KIRREL3: variants seen among roughly 807,000 people sequenced by gnomAD.
KIRREL3 encodes the protein kin of IRRE-like protein 3.
KIRREL3 carries 36 observed loss-of-function variants against 89.7 expected under a neutral mutation model. That is an observed-to-expected ratio of 0.40 (90% CI 0.31 to 0.53). The LOEUF (loss-of-function observed/expected upper bound fraction) is 0.53, where lower values mean the gene tolerates loss of function less well. Ranked by LOEUF, KIRREL3 falls within the 20% of genes least tolerant of loss-of-function variation. The probability of loss-of-function intolerance (pLI) is 0.49; values close to 1 mark genes in which losing one functional copy is unlikely to be tolerated. For missense variants in KIRREL3, 864 were observed against 1,056.6 expected (o/e 0.82, Z 2.53); for synonymous variants, 445 against 441.4 (o/e 1.01, Z -0.10).
chr11:126,949,226 C>G (rs1479179203), intron 1 of KIRREL3, among the ~76,000 whole-genome samples: 1 of 152,152 alleles, frequency 6.6e-6, no homozygotes. Context: ...AAGTGCTGTA[C>G]AGAAGCAGCG....
chr11:126,818,603 TGTA>T (rs144153893), intron 1 of KIRREL3, among the ~76,000 whole-genome samples: 60 of 148,022 alleles, frequency 4.1e-4, no homozygotes, highest in South Asian at 1.1e-3. Context: ...GCAGAAATTG[TGTA>T]GTAGTAGTAG....
chr11:126,615,506 G>A lies in KIRREL3; in HGVS notation c.56-52594C>T, dbSNP rs1943306310. The stretch of plus-strand genomic sequence containing the variant: ...TAGCAGAGGCTGGATGTGAAATTAG[G>A]TCTGTCTGACTCAAAAACCTGTGTT... On this transcript the variant is annotated intron_variant, in intron 1 of 16. Coordinates refer to ENST00000525144, the MANE Select transcript of KIRREL3 (RefSeq NM_032531.4). This position sits in a 1 kb window ranked among gnomAD's most constrained non-coding sequence, Gnocchi z 5.4. Among the ~76,000 whole-genome samples the A allele has an allele frequency of 6.6e-6, 1 of 152,098 alleles. No individual in the cohort carries two copies. Among genetic ancestry groups the A allele is most frequent in the African/African-American group, 2.4e-5 (1 of 41,418 alleles).
chr11:126,499,756 AGTTACTGAAGTCTT>A (rs1239722491), intron 4 of KIRREL3, among the ~76,000 whole-genome samples: 2 of 152,352 alleles, frequency 1.3e-5, no homozygotes, highest in Non-Finnish European at 1.5e-5. Context: ...AGAGTTCGGT[AGTTACTGAAGTCTT>A]GTTACTGAAG....
Position 126,622,846 on chromosome 11 carries a change from T to G in KIRREL3, c.56-59934A>C, listed in dbSNP as rs1943629130. On this transcript the variant is annotated intron_variant, in intron 1 of 16. Coordinates refer to ENST00000525144, the MANE Select transcript of KIRREL3 (RefSeq NM_032531.4). This position sits in a 1 kb window ranked among gnomAD's most constrained non-coding sequence, Gnocchi z 5.2. ...TTTGTAGAGTTAACTACATGCACAA[T>G]TTTATTTGCTTTATCTATATTAATT... 6.6e-6 allele frequency among the ~76,000 whole-genome samples: 1 copy of G among 152,218 alleles called. No homozygotes were observed. Among genetic ancestry groups the G allele is most frequent in the Admixed American group, 6.5e-5 (1 of 15,280 alleles).
At chr11:126,446,916 C>T (rs1268025479) in intron 8 of KIRREL3, 30 bp from the exon 9 acceptor site, 4 of 1,598,108 alleles carry the variant, frequency 2.5e-6, no homozygotes, top group Non-Finnish European at 3.4e-6. Context: ...AAGACAGGTT[C>T]AGGTGGGTGG....
In KIRREL3 at chr11:126,474,703, G is replaced by A. The variant is rs370897848; in HGVS notation, c.434-1237C>T. The stretch of plus-strand genomic sequence containing the variant: ...AAGAGGGCCATCCGCGTCGGAGCAC[G>A]GTCTCCGCAGTGCCCAGCACAGAGC... On this transcript the variant is annotated intron_variant, in intron 4 of 16. Transcript: ENST00000525144. This position sits in a 1 kb window ranked among gnomAD's most constrained non-coding sequence, Gnocchi z 6.7. 6.6e-6 allele frequency among the ~76,000 whole-genome samples: 1 copy of A among 152,218 alleles called. No homozygotes were observed. The highest frequency in any genetic ancestry group is 1.5e-5 in the Non-Finnish European group (1 of 68,034).
chr11:126,442,737 C>T (rs965655793), intron 10 of KIRREL3, among the ~76,000 whole-genome samples: 3 of 152,246 alleles, frequency 2.0e-5, no homozygotes, highest in African/African-American at 4.8e-5. Flanking sequence ...GCAGACAGTT[C>T]GCCCCCTGGC....
intron 1 of KIRREL3, among the ~76,000 whole-genome samples, chr11:126,741,171 T>G (rs1043788676): frequency 6.6e-6 from 1 of 152,224 alleles, no homozygotes; most frequent in Non-Finnish European, 1.5e-5. Context: ...TTTCTTTGTT[T>G]GTGCTTCACC....
intron 1 of KIRREL3, among the ~76,000 whole-genome samples, chr11:126,731,617 C>T (rs570386200): frequency 3.9e-5 from 6 of 152,340 alleles, no homozygotes; most frequent in Non-Finnish European, 7.3e-5. Flanking sequence ...AAAATTTGCA[C>T]ACCTCGTTGC....
intron 1 of KIRREL3, among the ~76,000 whole-genome samples, chr11:126,835,320 G>C (rs537538359): frequency 2.0e-5 from 3 of 152,282 alleles, no homozygotes; most frequent in African/African-American, 7.2e-5. Context: ...TATAGCCAAG[G>C]AATAAATAGG....
intron 1 of KIRREL3, among the ~76,000 whole-genome samples, chr11:126,945,264 A>T (rs1430132910): frequency 6.6e-6 from 1 of 152,188 alleles, no homozygotes; most frequent in African/African-American, 2.4e-5. Flanking sequence ...CTTCTCAGGC[A>T]TCCCAGTGTC....
intron 1 of KIRREL3, among the ~76,000 whole-genome samples, chr11:126,762,474 A>T (rs987578973): frequency 2.4e-4 from 37 of 152,234 alleles, no homozygotes; most frequent in African/African-American, 8.9e-4. Flanking sequence ...AAGGCACTTC[A>T]TTCCCCAGCC....
chr11:126,947,682 G>A (rs1948657437), intron 1 of KIRREL3, among the ~76,000 whole-genome samples: 1 of 152,224 alleles, frequency 6.6e-6, no homozygotes, highest in Non-Finnish European at 1.5e-5. Flanking sequence ...ATAGAGAGAT[G>A]GGATGGGATA....
intron 4 of KIRREL3, among the ~76,000 whole-genome samples, chr11:126,510,810 C>A (rs538903464): frequency 1.3e-5 from 2 of 152,312 alleles, no homozygotes; most frequent in South Asian, 2.1e-4. Context: ...TGGTGCTGAC[C>A]AATCACAGGC....
Position 126,474,239 on chromosome 11 carries a change from G to A in KIRREL3, c.434-773C>T, listed in dbSNP as rs1267409102. Among the ~76,000 whole-genome samples the A allele has an allele frequency of 6.6e-6, 1 of 152,190 alleles. No individual in the cohort carries two copies. The highest frequency in any genetic ancestry group is 2.4e-5 in the African/African-American group (1 of 41,432). ...GCTGGGATTACAGGCGTGAGCCACG[G>A]CACCTGGCTTTTCTTTTTTCTTTAA... is the stretch of plus-strand genomic sequence containing the variant. On this transcript the variant is annotated intron_variant, in intron 4 of 16. Coordinates refer to ENST00000525144, the MANE Select transcript of KIRREL3 (RefSeq NM_032531.4). This position sits in a 1 kb window ranked among gnomAD's most constrained non-coding sequence, Gnocchi z 6.7.
At chr11:126,439,673 G>C (rs191549144) in intron 11 of KIRREL3, among the ~76,000 whole-genome samples, 442 of 151,094 alleles carry the variant, frequency 2.9e-3, no homozygotes, top group African/African-American at 9.4e-3. Flanking sequence ...AAAAATTAGC[G>C]AGGTGTGGTG....
intron 1 of KIRREL3, among the ~76,000 whole-genome samples, chr11:126,967,838 T>C (rs1353182843): frequency 6.6e-6 from 1 of 152,126 alleles, no homozygotes; most frequent in Admixed American, 6.5e-5. Flanking sequence ...TACAGGCACA[T>C]ACTGGGTAGC....
At chr11:126,944,544 T>C (rs189853299) in intron 1 of KIRREL3, 2 of 152,278 alleles carry the variant, frequency 1.3e-5, no homozygotes, top group African/African-American at 4.8e-5. Flanking sequence ...GAGGCACAGC[T>C]CAACGCGGGG....
intron 15 of KIRREL3, among the ~76,000 whole-genome samples, chr11:126,425,944 C>A (rs977144624): frequency 2.6e-5 from 4 of 152,220 alleles, no homozygotes; most frequent in South Asian, 2.1e-4. Context: ...AGGTGAGGGG[C>A]AGTTAGGGGA....
Sources: allele counts gnomAD v4.1 joint callset (sites outside exome capture counted in the v4.1 genomes callset), GRCh38; gene constraint gnomAD v4.1.1; non-coding constraint Gnocchi (gnomAD v3.1); transcripts MANE v1.5; gene names NCBI Gene and HGNC (gene_info 2026-07-23, HGNC 2026-07-21).